The following PANK2 variants were observed in gnomAD, a reference collection of about 807,000 sequenced individuals.
PANK2 encodes pantothenate kinase 2, mitochondrial.
PANK2 carries 36 observed loss-of-function variants against 43.1 expected under a neutral mutation model. That is an observed-to-expected ratio of 0.84 (90% CI 0.64 to 1.10). The LOEUF (loss-of-function observed/expected upper bound fraction) is 1.10. Ranked by LOEUF, PANK2 falls within the 50% of genes least tolerant of loss-of-function variation. The pLI, the probability that PANK2 is intolerant of heterozygous loss-of-function variation, is 0.00. For missense variants in PANK2, 576 were observed against 593.3 expected (o/e 0.97, Z 0.30); for synonymous variants, 281 against 238.2 (o/e 1.18, Z -1.66).
intron 5 of PANK2, among the ~76,000 whole-genome samples, chr20:3,918,261 CTTTTG>C (rs1005204896): frequency 1.3e-5 from 2 of 151,974 alleles, no homozygotes; most frequent in African/African-American, 4.8e-5. Context: ...TAAAATTTTA[CTTTTG>C]TTTGATGACT....
At chr20:3,909,643 G>A (rs566458109) in intron 2 of PANK2, among the ~76,000 whole-genome samples, 1 of 152,234 alleles carries the variant, frequency 6.6e-6, no homozygotes, top group South Asian at 2.1e-4. Flanking sequence ...AGGTTGGAGT[G>A]CAGTGGTGCC....
At chr20:3,905,808 C>T (rs996472608) in intron 1 of PANK2, among the ~76,000 whole-genome samples, 16 of 150,180 alleles carry the variant, frequency 1.1e-4, no homozygotes, top group Admixed American at 4.0e-4. Context: ...CTCCACCTCC[C>T]GGGTTCAAGC....
At chr20:3,920,890 T>TA (rs1455464903) in intron 6 of PANK2, among the ~76,000 whole-genome samples, 1 of 152,130 alleles carries the variant, frequency 6.6e-6, no homozygotes, top group African/African-American at 2.4e-5. Context: ...ATAATAGTTA[T>TA]AAGCCTTCGT....
intron 6 of PANK2, 141 bp downstream of exon 6, chr20:3,918,937 G>C: frequency 7.1e-7 from 1 of 1,402,582 alleles, no homozygotes; most frequent in Non-Finnish European, 1.0e-6. Flanking sequence ...ACGGAGTCTC[G>C]CTCTGTCACC....
At chr20:3,898,405 G>A (rs543971519) in intron 1 of PANK2, among the ~76,000 whole-genome samples, 1 of 152,012 alleles carries the variant, frequency 6.6e-6, no homozygotes, top group Non-Finnish European at 1.5e-5. Flanking sequence ...TTACCATGTC[G>A]GCCAGACTGG....
rs372971713 is a variant in PANK2 at position 3,907,245 on chromosome 20, G to A, written c.299-681G>A. ...ATTTCCTGAGTAGCTGGTACTACAG[G>A]TGCACGTCACCATGCCTGGCTAATT... On this transcript the variant is annotated intron_variant, in intron 1 of 6. Transcript: ENST00000610179. Among the ~76,000 whole-genome samples, 541 of 151,784 alleles carry A rather than the reference G, an allele frequency of 3.6e-3. 2 individuals carry two copies. The highest frequency in any genetic ancestry group is 6.1e-3 in the Non-Finnish European group (415 of 67,958).
In PANK2 at chr20:3,924,002, C is replaced by T. The variant is rs2090686189; in HGVS notation, c.*708C>T. 1 of 152,530 alleles carries T rather than the reference C, an allele frequency of 6.6e-6. No homozygotes were observed. Among genetic ancestry groups the T allele is most frequent in the Non-Finnish European group, 1.5e-5 (1 of 68,314 alleles). 9.4% of individuals were successfully genotyped at this position (152,530 alleles called of 1,614,324 possible). ...GAAGCAGCACAATCTGGAGGACTAA[C>T]ATGAGTCAGCAGGGCCACTAGAATT... On this transcript the variant is annotated 3_prime_UTR_variant, in exon 7 of 7. Transcript: ENST00000610179.
intron 3 of PANK2, among the ~76,000 whole-genome samples, chr20:3,911,628 A>G (rs2090470171): frequency 6.6e-6 from 1 of 151,364 alleles, no homozygotes; most frequent in African/African-American, 2.4e-5. Context: ...ACGGCAGCTT[A>G]TGCCTGTAAT....
At position 3,927,436 on chromosome 20, in the gene PANK2, C is replaced by G. The variant is rs2090739211; in HGVS notation, c.*4142C>G. The G allele has an allele frequency of 6.6e-6, 1 of 152,116 alleles. No individual in the cohort carries two copies. The highest frequency in any genetic ancestry group is 1.5e-5 in the Non-Finnish European group (1 of 68,028). 9.4% of individuals were successfully genotyped at this position (152,116 alleles called of 1,614,324 possible). On this transcript the variant is annotated 3_prime_UTR_variant, in exon 7 of 7. Transcript: ENST00000610179. ...ATTAAATATACAAAAATATAGCTTACAAAAAACTGCGAATGTTTAAAAATA... is the reference window on the plus strand; with the variant it reads ...ATTAAATATACAAAAATATAGCTTAGAAAAAACTGCGAATGTTTAAAAATA...
intron 6 of PANK2, among the ~76,000 whole-genome samples, chr20:3,922,750 C>A (rs1167590418): frequency 4.6e-5 from 7 of 152,122 alleles, no homozygotes; most frequent in Non-Finnish European, 2.9e-5. Flanking sequence ...AATCTTGAAT[C>A]CATCTTATCT....
chr20:3,902,982 C>G (rs1341552442), intron 1 of PANK2, among the ~76,000 whole-genome samples: 3 of 105,910 alleles, frequency 2.8e-5, no homozygotes, highest in Non-Finnish European at 7.0e-5. Flanking sequence ...GACACACACA[C>G]ACACACACAC....
chr20:3,892,602 G>A (rs1397468889), intron 1 of PANK2, among the ~76,000 whole-genome samples: 1 of 149,858 alleles, frequency 6.7e-6, no homozygotes, highest in Non-Finnish European at 1.5e-5. Context: ...CTTGAACCCG[G>A]GAGGCAGAGG....
upstream of PANK2, chr20:3,889,085 C>A (rs756145777): frequency 1.5e-5 from 23 of 1,516,620 alleles, no homozygotes; most frequent in South Asian, 2.7e-4. Context: ...AAGTGGGGGG[C>A]GGAAGGAGGG....
intron 6 of PANK2, among the ~76,000 whole-genome samples, chr20:3,920,644 A>G (rs772713862): frequency 6.6e-6 from 1 of 152,312 alleles, no homozygotes; most frequent in African/African-American, 2.4e-5. Flanking sequence ...CAGGAGTTCA[A>G]GACCAGCCTG....
chr20:3,892,657 CAG>C (rs2090142955), intron 1 of PANK2, among the ~76,000 whole-genome samples: 1 of 120,292 alleles, frequency 8.3e-6, no homozygotes, highest in Non-Finnish European at 1.6e-5. Flanking sequence ...GCCTGGGCGA[CAG>C]AGCGACTCTG....
intron 1 of PANK2, chr20:3,901,601 T>G: frequency 3.1e-6 from 3 of 982,276 alleles, no homozygotes; most frequent in Non-Finnish European, 3.6e-6. Context: ...CTCTTCAACT[T>G]CCTATGTCGA....
At chr20:3,917,174 A>G in intron 5 of PANK2, 124 bp downstream of exon 5, 1 of 1,269,716 alleles carries the variant, frequency 7.9e-7, no homozygotes, top group South Asian at 1.2e-5. Flanking sequence ...TTGTTTTAGC[A>G]CGAAGTTAAA....
intron 1 of PANK2, among the ~76,000 whole-genome samples, chr20:3,903,008 CA>C (rs2090327588): frequency 2.8e-5 from 4 of 141,438 alleles, no homozygotes; most frequent in Non-Finnish European, 6.5e-5. Flanking sequence ...CACACACACA[CA>C]CACACACACC....
At chr20:3,918,431 T>C (rs71647852) in intron 5 of PANK2, among the ~76,000 whole-genome samples, 226 of 152,298 alleles carry the variant, frequency 1.5e-3, no homozygotes, top group African/African-American at 5.1e-3. Context: ...GTTGGTCAGA[T>C]TTAATACAAA....
Sources: allele counts gnomAD v4.1 joint callset (sites outside exome capture counted in the v4.1 genomes callset), GRCh38; gene constraint gnomAD v4.1.1; transcripts MANE v1.5; gene names NCBI Gene and HGNC (gene_info 2026-07-23, HGNC 2026-07-21).